SLC6A20: variants seen among roughly 807,000 people sequenced by gnomAD.
The protein encoded by SLC6A20 is solute carrier family 6 member 20, also known as sodium- and chloride-dependent transporter XTRP3.
In SLC6A20, 73 loss-of-function variants were observed where a neutral mutation model predicts 64.3. The ratio of observed to expected loss-of-function variants is 1.14; its 90% confidence interval spans 0.94 to 1.38. The LOEUF (loss-of-function observed/expected upper bound fraction) is 1.38, where lower values mean the gene tolerates loss of function less well. SLC6A20 is among the 40% of genes most tolerant of loss of function. The probability of loss-of-function intolerance (pLI) is 0.00; values close to 1 mark genes in which losing one functional copy is unlikely to be tolerated. For synonymous variants in SLC6A20, 347 were observed against 329.6 expected (o/e 1.05, Z -0.57); for missense variants, 725 against 772.8 (o/e 0.94, Z 0.73).
At chr3:45,762,803 G>A in intron 9 of SLC6A20, 110 bp downstream of exon 9, 2 of 1,415,522 alleles carry the variant, frequency 1.4e-6, no homozygotes, top group African/African-American at 1.4e-5. Flanking sequence ...ATGATGCGAA[G>A]CTTAAAGAAG....
chr3:45,760,697 CACAACAGCAGCCAG>C (rs1273221368), intron 9 of SLC6A20, among the ~76,000 whole-genome samples: 1 of 152,224 alleles, frequency 6.6e-6, no homozygotes, highest in Non-Finnish European at 1.5e-5. Context: ...TTAGCAGCAG[CACAACAGCAGCCAG>C]TTTCTCATCG....
At chr3:45,795,876 C>T (rs975196584) in intron 1 of SLC6A20, among the ~76,000 whole-genome samples, 1 of 152,188 alleles carries the variant, frequency 6.6e-6, no homozygotes, top group African/African-American at 2.4e-5. Flanking sequence ...ATTTAAGTTT[C>T]GGATCTGAAA....
chr3:45,760,271 C>T (rs938162343), intron 9 of SLC6A20, among the ~76,000 whole-genome samples: 5 of 152,336 alleles, frequency 3.3e-5, no homozygotes, highest in East Asian at 1.9e-4. Flanking sequence ...CATCAGAAGA[C>T]GCCTTCCTAA....
intron 1 of SLC6A20, among the ~76,000 whole-genome samples, chr3:45,783,455 A>G (rs2125653425): frequency 6.6e-6 from 1 of 152,350 alleles, no homozygotes; most frequent in South Asian, 2.1e-4. Context: ...GGCATTCCCC[A>G]GGCACTCTCC....
chr3:45,773,036 C>T (rs1168346013), intron 4 of SLC6A20, among the ~76,000 whole-genome samples: 1 of 152,148 alleles, frequency 6.6e-6, no homozygotes, highest in Non-Finnish European at 1.5e-5. Flanking sequence ...GAAAAAGCAG[C>T]CCATAGAATC....
At position 45,756,754 on chromosome 3, in the gene SLC6A20, A is replaced by G. The variant is rs753835143; in HGVS notation, c.*2224T>C. 1.3e-4 allele frequency: 20 copies of G among 152,196 alleles called. No homozygotes were observed. The highest frequency in any genetic ancestry group is 9.2e-4 in the Admixed American group (14 of 15,290). The allele number at this position is 152,196 out of a possible 1,614,324, so 9.4% of individuals were successfully genotyped here. On this transcript the variant is annotated 3_prime_UTR_variant, in exon 11 of 11. Coordinates refer to ENST00000358525, the MANE Select transcript of SLC6A20 (RefSeq NM_020208.4). ...GGACTCGCTCACTTTAGGGGTAACGACCTACTTTATTGCAGTTAAAAAAAG... is the reference window on the plus strand; with the variant it reads ...GGACTCGCTCACTTTAGGGGTAACGGCCTACTTTATTGCAGTTAAAAAAAG...
chr3:45,778,949 A>T (rs1484873735), intron 3 of SLC6A20, among the ~76,000 whole-genome samples: 1 of 152,218 alleles, frequency 6.6e-6, no homozygotes, highest in African/African-American at 2.4e-5. Flanking sequence ...GGTGGAGCTC[A>T]TTGGGAAGCC....
At chr3:45,770,484 G>T (rs1046589990) in intron 6 of SLC6A20, 113 bp from the exon 7 acceptor site, 1 of 1,324,072 alleles carries the variant, frequency 7.6e-7, no homozygotes, top group Non-Finnish European at 1.0e-6. Flanking sequence ...TCTGTTGCTT[G>T]GTGATCTTTT....
At chr3:45,773,227 C>T (rs970543006) in intron 4 of SLC6A20, among the ~76,000 whole-genome samples, 4 of 152,158 alleles carry the variant, frequency 2.6e-5, no homozygotes, top group African/African-American at 9.7e-5. Flanking sequence ...AGGAAAGCAG[C>T]GAGGTGTAGC....
intron 7 of SLC6A20, among the ~76,000 whole-genome samples, chr3:45,767,636 A>C (rs752294815): frequency 3.9e-5 from 6 of 152,242 alleles, no homozygotes; most frequent in Non-Finnish European, 8.8e-5. Context: ...ATTATGAGAT[A>C]ATAGGTATGA....
At chr3:45,760,151 C>G in intron 9 of SLC6A20, 129 bp from the exon 10 acceptor site, 1 of 1,010,634 alleles carries the variant, frequency 9.9e-7, no homozygotes, top group African/African-American at 1.6e-5. Context: ...AGCTTGGCCA[C>G]TGGGCTCCTC....
chr3:45,779,930 C>A (rs765129596), intron 3 of SLC6A20, 79 bp downstream of exon 3: 65 of 1,463,828 alleles, frequency 4.4e-5, no homozygotes, highest in Admixed American at 7.9e-5. Flanking sequence ...CCCCACACCC[C>A]CTTCCCCGAG....
At chr3:45,781,675 T>C (rs1700087150) in intron 2 of SLC6A20, among the ~76,000 whole-genome samples, 2 of 152,228 alleles carry the variant, frequency 1.3e-5, no homozygotes, top group South Asian at 4.1e-4. Context: ...ACATATATCC[T>C]ATAGGCTGGC....
chr3:45,763,397 T>C (rs2125718705), intron 8 of SLC6A20, among the ~76,000 whole-genome samples: 1 of 152,340 alleles, frequency 6.6e-6, no homozygotes, highest in East Asian at 1.9e-4. Context: ...CCGCCCAGGC[T>C]GTGGGTCTAC....
intron 9 of SLC6A20, among the ~76,000 whole-genome samples, chr3:45,761,745 A>G: frequency 6.6e-6 from 1 of 152,160 alleles, no homozygotes; most frequent in East Asian, 1.9e-4. Context: ...TTGACCAAGT[A>G]AGTCTGGAAA....
chr3:45,777,611 C>T (rs1391178746), intron 3 of SLC6A20, among the ~76,000 whole-genome samples: 4 of 152,198 alleles, frequency 2.6e-5, no homozygotes, highest in Admixed American at 2.6e-4. Context: ...GTGGGACATC[C>T]AGGCTAGCTT....
At chr3:45,762,173 C>A (rs1024548645) in intron 9 of SLC6A20, among the ~76,000 whole-genome samples, 1 of 152,232 alleles carries the variant, frequency 6.6e-6, no homozygotes, top group African/African-American at 2.4e-5. Flanking sequence ...GCAGTCCCAA[C>A]GAGCGCCTTG....
intron 5 of SLC6A20, 47 bp downstream of exon 5, chr3:45,772,458 A>G (rs768007944): frequency 6.5e-7 from 1 of 1,527,604 alleles, no homozygotes; most frequent in East Asian, 2.3e-5. Context: ...GGAAGGTGGC[A>G]GGATAAGTGA....
Position 45,765,466 on chromosome 3 carries a change from G to A in SLC6A20, c.1303+71C>T. The A allele has an allele frequency of 6.6e-7, 1 of 1,523,940 alleles. No homozygotes were observed. The highest frequency in any genetic ancestry group is 8.9e-7 in the Non-Finnish European group (1 of 1,126,552). 94.4% of individuals were successfully genotyped at this position (1,523,940 alleles called of 1,614,324 possible). On this transcript the variant is annotated intron_variant, in intron 8 of 10. Coordinates refer to ENST00000358525, the MANE Select transcript of SLC6A20 (RefSeq NM_020208.4). The surrounding 1 kb of genome is among the most constrained non-coding windows in gnomAD (Gnocchi z 4.2). Reference sequence around the variant, plus strand: ...GAACCAGCCCATGACCCCTGAGGGAGCTCTCCCCTGTTCACCCCCACGCCT... The same window carrying A: ...GAACCAGCCCATGACCCCTGAGGGAACTCTCCCCTGTTCACCCCCACGCCT...
Sources: allele counts gnomAD v4.1 joint callset (sites outside exome capture counted in the v4.1 genomes callset), GRCh38; gene constraint gnomAD v4.1.1; non-coding constraint Gnocchi (gnomAD v3.1); transcripts MANE v1.5; gene names NCBI Gene and HGNC (gene_info 2026-07-23, HGNC 2026-07-21).